AGBL1: variants seen among roughly 807,000 people sequenced by gnomAD.
AGBL1 encodes the protein cytosolic carboxypeptidase 4.
AGBL1 carries 130 observed loss-of-function variants against 118.9 expected under a neutral mutation model. That is an observed-to-expected ratio of 1.09 (90% CI 0.95 to 1.26). AGBL1 has a LOEUF of 1.26. Ranked by LOEUF, AGBL1 falls within the 50% of genes most tolerant of loss-of-function variation. The pLI is 0.00. For missense variants in AGBL1, 1,584 were observed against 1,298.1 expected, an observed-to-expected ratio of 1.22 and a Z score of -3.38; for synonymous variants, 555 against 478.9, an observed-to-expected ratio of 1.16 and a Z score of -2.08.
intron 22 of AGBL1, among the ~76,000 whole-genome samples, chr15:86,761,699 T>G (rs2078026442): frequency 6.6e-6 from 1 of 152,130 alleles, no homozygotes; most frequent in Non-Finnish European, 1.5e-5. Context: ...AATTGTAAAT[T>G]TGCTTAAGTT....
intron 22 of AGBL1, among the ~76,000 whole-genome samples, chr15:86,824,559 T>G (rs1482918158): frequency 0.027 from 2 of 74 alleles, no homozygotes; most frequent in Non-Finnish European, 0.05. Flanking sequence ...TCCCAGGAAG[T>G]TTTTTTTTTT....
Position 86,951,330 on chromosome 15 carries a change from A to G in AGBL1, c.3222-36657A>G, listed in dbSNP as rs148100608. ...GTTTTCAGCTGTTCTACTCTTTGCT[A>G]TTATACTCAAGACAAATAAATACTT... On this transcript the variant is annotated intron_variant, in intron 23 of 24. Transcript: ENST00000441037. 4.8e-4 allele frequency among the ~76,000 whole-genome samples: 73 copies of G among 152,344 alleles called. 1 individual carries two copies. The East Asian group carries it at 0.012, about 25-fold the overall frequency.
At chr15:86,216,490 T>C (rs1402559525) in intron 5 of AGBL1, among the ~76,000 whole-genome samples, 2 of 152,224 alleles carry the variant, frequency 1.3e-5, no homozygotes, top group Non-Finnish European at 2.9e-5. Flanking sequence ...TTTTATCAAA[T>C]ACTTTTCCTG....
At chr15:86,941,894 T>C (rs2080756541) in intron 23 of AGBL1, among the ~76,000 whole-genome samples, 1 of 152,184 alleles carries the variant, frequency 6.6e-6, no homozygotes, top group South Asian at 2.1e-4. Context: ...TCCAGTGCCT[T>C]GTAGTGAATT....
intron 23 of AGBL1, among the ~76,000 whole-genome samples, chr15:86,982,547 C>T (rs2081241620): frequency 1.3e-5 from 2 of 152,016 alleles, no homozygotes; most frequent in African/African-American, 4.8e-5. Context: ...TTTTCTTCTA[C>T]CTCCTCCACC....
intron 18 of AGBL1, among the ~76,000 whole-genome samples, chr15:86,406,417 G>A (rs1318612277): frequency 6.6e-6 from 1 of 152,104 alleles, no homozygotes; most frequent in Non-Finnish European, 1.5e-5. Context: ...AAAACAAAAT[G>A]ATTTTATTGT....
At chr15:86,578,414 G>C (rs2084124948) in intron 21 of AGBL1, among the ~76,000 whole-genome samples, 1 of 152,166 alleles carries the variant, frequency 6.6e-6, no homozygotes, top group Non-Finnish European at 1.5e-5. Flanking sequence ...CTGGCTCATA[G>C]CCAGAAGGGA....
intron 22 of AGBL1, among the ~76,000 whole-genome samples, chr15:86,837,427 C>A (rs1016025770): frequency 6.6e-6 from 1 of 152,122 alleles, no homozygotes; most frequent in Non-Finnish European, 1.5e-5. Flanking sequence ...TGGCTCACCC[C>A]CTATTTTTAT....
intron 22 of AGBL1, among the ~76,000 whole-genome samples, chr15:86,782,328 C>A (rs1220817169): frequency 6.6e-6 from 1 of 152,064 alleles, no homozygotes; most frequent in Non-Finnish European, 1.5e-5. Flanking sequence ...TGACTCTATG[C>A]TACCTGGTAG....
chr15:86,680,319 C>T (rs1324317592), intron 22 of AGBL1, among the ~76,000 whole-genome samples: 4 of 151,876 alleles, frequency 2.6e-5, no homozygotes, highest in Non-Finnish European at 5.9e-5. Context: ...AGTAGCTTTT[C>T]TTTTTTAAAA....
intron 1 of AGBL1, among the ~76,000 whole-genome samples, chr15:86,109,150 T>C (rs946000003): frequency 5.3e-5 from 8 of 152,240 alleles, no homozygotes; most frequent in African/African-American, 1.7e-4. Flanking sequence ...TGGTAGGTAC[T>C]CATTAAATAT....
chr15:86,447,024 A>G (rs1457499386), intron 18 of AGBL1, among the ~76,000 whole-genome samples: 1 of 152,148 alleles, frequency 6.6e-6, no homozygotes, highest in Non-Finnish European at 1.5e-5. Context: ...TTAGAACAAG[A>G]TTCTGATTCA....
intron 21 of AGBL1, among the ~76,000 whole-genome samples, chr15:86,667,439 C>G (rs1025541233): frequency 6.6e-6 from 1 of 152,128 alleles, no homozygotes; most frequent in African/African-American, 2.4e-5. Flanking sequence ...GTCTTCCTGA[C>G]ACTACTACCC....
At chr15:86,171,726 A>C (rs1822637) in intron 5 of AGBL1, among the ~76,000 whole-genome samples, 2,425 of 152,304 alleles carry the variant, frequency 0.016, 29 homozygotes, top group East Asian at 0.071. Flanking sequence ...ATTGATAAAC[A>C]AGTTACTCAA....
chr15:86,955,569 A>G (rs1030754222), intron 23 of AGBL1, among the ~76,000 whole-genome samples: 1 of 152,186 alleles, frequency 6.6e-6, no homozygotes, highest in Non-Finnish European at 1.5e-5. Context: ...AGCTTGGTTT[A>G]CAAAGACAAG....
At position 86,247,844 on chromosome 15, in the gene AGBL1, G is replaced by A; in HGVS notation, c.700G>A (p.Ala234Thr). The change falls in exon 7 of 23, where the codon GCA (alanine) becomes ACA (threonine). Residue 234 changes from alanine (A) to threonine (T), a missense_variant. By Grantham distance (58) the Ala-to-Thr change is moderately conservative (BLOSUM62 0). Transcript: ENST00000614907. ...GTCCGGCAGGGAGGCCTTCCTGGCA[G>A]CACAGGGCATGGAGATCCTCTTCAG... ...LRSGREAFLA[A>T]QGMEILFSTT... 1 of 1,613,990 alleles carries A rather than the reference G, an allele frequency of 6.2e-7. No individual in the cohort carries two copies. Among genetic ancestry groups the A allele is most frequent in the Non-Finnish European group, 8.5e-7 (1 of 1,179,902 alleles).
At chr15:86,219,387 T>A (rs1236388030) in intron 5 of AGBL1, among the ~76,000 whole-genome samples, 1 of 152,188 alleles carries the variant, frequency 6.6e-6, no homozygotes, top group African/African-American at 2.4e-5. Context: ...AGTAAGCTTT[T>A]TAACGTAATT....
intron 16 of AGBL1, among the ~76,000 whole-genome samples, chr15:86,284,918 G>T (rs1241715605): frequency 1.2e-4 from 19 of 152,150 alleles, no homozygotes; most frequent in Admixed American, 1.2e-3. Context: ...CTTTTAAGAA[G>T]TCAGTCTCTC....
chr15:86,196,871 G>GCA (rs2077815551), intron 5 of AGBL1, among the ~76,000 whole-genome samples: 4 of 99,628 alleles, frequency 4.0e-5, no homozygotes, highest in African/African-American at 8.6e-5. Flanking sequence ...GCACATGTGC[G>GCA]CGCGCGCGCA....
Sources: gnomAD v4.1 joint callset for allele counts (sites outside exome capture counted in the v4.1 genomes callset) on GRCh38, gnomAD v4.1.1 for gene constraint, MANE v1.5 for transcripts, NCBI Gene and HGNC (gene_info 2026-07-23, HGNC 2026-07-21) for gene names.